Variants in DOCK5 observed in about 807,000 individuals in gnomAD.
DOCK5 encodes dedicator of cytokinesis 5.
A neutral mutation model predicts 251.8 loss-of-function variants in DOCK5; 142 were observed. The ratio of observed to expected loss-of-function variants is 0.56; its 90% CI spans 0.49 to 0.65. The LOEUF (loss-of-function observed/expected upper bound fraction) is 0.65, where lower values mean the gene tolerates loss of function less well. Ranked by LOEUF, DOCK5 falls within the 30% of genes least tolerant of loss-of-function variation. DOCK5 has a pLI of 0.00. For synonymous variants in DOCK5, 842 were observed against 835.5 expected, an observed-to-expected ratio of 1.01 and a Z score of -0.13; for missense variants, 2,111 against 2,312.3, an observed-to-expected ratio of 0.91 and a Z score of 1.79.
At chr8:25,208,269 A>G (rs1173523751) in intron 1 of DOCK5, among the ~76,000 whole-genome samples, 1 of 152,240 alleles carries the variant, frequency 6.6e-6, no homozygotes, top group East Asian at 1.9e-4. Flanking sequence ...AGGATTTAGA[A>G]TAATCCATAA....
intron 40 of DOCK5, among the ~76,000 whole-genome samples, chr8:25,385,234 T>C (rs1239525547): frequency 6.6e-6 from 1 of 152,086 alleles, no homozygotes; most frequent in Non-Finnish European, 1.5e-5. Flanking sequence ...ACTTTTCGTG[T>C]TGGAAAGGTC....
At position 25,351,832 on chromosome 8, in the gene DOCK5, T is replaced by C. The variant is rs1171085528; in HGVS notation, c.2850+6T>C. 2 of 1,612,458 alleles carry C rather than the reference T, an allele frequency of 1.2e-6. No individual in the cohort carries two copies. Among genetic ancestry groups the C allele is most frequent in the Non-Finnish European group, 1.7e-6 (2 of 1,178,896 alleles). ...ACCGGCAGTCTCCCCACATCGTGAG[T>C]ATCTCTTTGTTGGATCCCACGGCCG... On this transcript the variant is annotated splice_donor_region_variant and intron_variant, in intron 27 of 51. Transcript: ENST00000276440.
At chr8:25,228,174 G>C (rs1035387478) in intron 1 of DOCK5, among the ~76,000 whole-genome samples, 5 of 152,152 alleles carry the variant, frequency 3.3e-5, no homozygotes, top group African/African-American at 1.2e-4. Flanking sequence ...ACCATGCCTG[G>C]CCATTTTCTG....
chr8:25,374,599 G>C lies in DOCK5; in HGVS notation c.3761G>C (p.Cys1254Ser). 1 of 1,612,658 alleles carries C rather than the reference G, an allele frequency of 6.2e-7. No homozygotes were observed. The highest frequency in any genetic ancestry group is 8.5e-7 in the Non-Finnish European group (1 of 1,179,614). Reference protein sequence around the residue: ...LYKLRDLHRDCENYTEAAYTL... With the variant: ...LYKLRDLHRDSENYTEAAYTL... ...AAGCTTCGAGATTTGCACCGAGACTGTGAGAACTACACAGAAGCTGCCTAC... is the reference window on the plus strand; with the variant it reads ...AAGCTTCGAGATTTGCACCGAGACTCTGAGAACTACACAGAAGCTGCCTAC... Residue 1254 changes from cysteine (C) to serine (S), a missense_variant, in exon 37 of 52, where the codon TGT becomes TCT. Coordinates refer to ENST00000276440, the MANE Select transcript of DOCK5 (RefSeq NM_024940.8).
chr8:25,363,156 G>A lies in DOCK5; in HGVS notation c.3044+15G>A, dbSNP rs140064559. ...ACTCAAAACAGGTGAGACAGCCCAT[G>A]GCTGGCCCTGAGGCATTTGTCTGAA... On this transcript the variant is annotated intron_variant, in intron 29 of 51. Transcript: ENST00000276440. The A allele has an allele frequency of 1.5e-4, 248 of 1,610,100 alleles. 1 individual carries two copies. The East Asian group carries it at 5.5e-3, about 36-fold the overall frequency.
chr8:25,240,230 G>C (rs1355933270), intron 1 of DOCK5, among the ~76,000 whole-genome samples: 2 of 150,644 alleles, frequency 1.3e-5, no homozygotes, highest in Non-Finnish European at 2.9e-5. Flanking sequence ...TTCCTGGAAA[G>C]ATGTAGTTCC....
chr8:25,306,413 T>C (rs1804926472), intron 11 of DOCK5, among the ~76,000 whole-genome samples: 1 of 152,186 alleles, frequency 6.6e-6, no homozygotes, highest in Non-Finnish European at 1.5e-5. Flanking sequence ...TTAATAAACA[T>C]GTTGAATTTA....
intron 5 of DOCK5, among the ~76,000 whole-genome samples, chr8:25,288,617 A>G (rs921422717): frequency 4.6e-5 from 7 of 152,238 alleles, no homozygotes; most frequent in African/African-American, 1.4e-4. Context: ...ATGAGAAGCA[A>G]TATCTTAACA....
chr8:25,232,382 C>T (rs1453006107), intron 1 of DOCK5, among the ~76,000 whole-genome samples: 1 of 152,204 alleles, frequency 6.6e-6, no homozygotes, highest in Non-Finnish European at 1.5e-5. Context: ...CCAACACAGC[C>T]TTTATTCTGG....
chr8:25,296,700 T>A, intron 7 of DOCK5, 52 bp downstream of exon 7: 1 of 1,593,410 alleles, frequency 6.3e-7, no homozygotes, highest in Non-Finnish European at 8.6e-7. Context: ...ATTTTTGCCT[T>A]GGTTTTTAAT....
At position 25,341,739 on chromosome 8, in the gene DOCK5, G is replaced by T; in HGVS notation, c.2440G>T (p.Gly814Trp). The change falls in exon 24 of 52, where the codon GGG (glycine) becomes TGG (tryptophan). Residue 814 changes from glycine to tryptophan, a missense_variant and splice_region_variant. This residue lies in a region of DOCK5 where 1,717 missense variants were observed against 1,892.4 expected (regional missense o/e 0.91). Transcript: ENST00000276440. ...RPLEEAVKIK[G>W]AALKYLPSII... ...TTTGCCTTTGGTGTTTTTCTTACAG[G>T]GGGCAGCTTTGAAGTACCTTCCTAG... is the stretch of plus-strand genomic sequence containing the variant. The T allele has an allele frequency of 6.3e-7, 1 of 1,575,050 alleles. No homozygotes were observed.
At chr8:25,288,157 A>G (rs1804390676) in intron 5 of DOCK5, among the ~76,000 whole-genome samples, 2 of 152,094 alleles carry the variant, frequency 1.3e-5, no homozygotes, top group Admixed American at 1.3e-4. Context: ...AAGTGCTGGG[A>G]TTACAGGCGT....
chr8:25,391,014 G>T (rs534377745), intron 42 of DOCK5, among the ~76,000 whole-genome samples: 71 of 151,918 alleles, frequency 4.7e-4, no homozygotes, highest in African/African-American at 1.5e-3. Flanking sequence ...TCACCGTGTT[G>T]CCCAGGCTGG....
Position 25,342,387 on chromosome 8 carries a change from G to A in DOCK5, c.2511-14G>A. 1.9e-6 allele frequency: 3 copies of A among 1,568,370 alleles called. No homozygotes were observed. Among genetic ancestry groups the A allele is most frequent in the South Asian group, 2.3e-5 (2 of 85,742 alleles). On this transcript the variant is annotated splice_polypyrimidine_tract_variant and intron_variant, in intron 24 of 51. Coordinates refer to ENST00000276440, the MANE Select transcript of DOCK5 (RefSeq NM_024940.8). ...AGAACGAAGACACTACTAACCCTGA[G>A]GTTTCTCTCCCAGCGTGCTCTTCTG...
intron 2 of DOCK5, among the ~76,000 whole-genome samples, chr8:25,262,252 T>A (rs551708908): frequency 6.4e-4 from 98 of 152,054 alleles, no homozygotes; most frequent in Non-Finnish European, 1.2e-3. Flanking sequence ...TTGCAGTGGG[T>A]GGATAGTATT....
At position 25,382,619 on chromosome 8, in the gene DOCK5, T is replaced by C. The variant is rs542037716; in HGVS notation, c.4027-55T>C. On this transcript the variant is annotated intron_variant, in intron 39 of 51. Coordinates refer to ENST00000276440, the MANE Select transcript of DOCK5 (RefSeq NM_024940.8). ...ACAAAACAAAGTCTGACTTTTTTTT[T>C]CCCCCAACTGTGTACTTATAACCTC... 9.0e-5 allele frequency: 125 copies of C among 1,385,396 alleles called. No homozygotes were observed. In the Middle Eastern group the frequency reaches 1.1e-3, roughly 12 times the overall value. 85.8% of individuals were successfully genotyped at this position (1,385,396 alleles called of 1,614,324 possible).
intron 1 of DOCK5, among the ~76,000 whole-genome samples, chr8:25,242,392 C>G (rs1802977234): frequency 6.6e-6 from 1 of 152,132 alleles, no homozygotes; most frequent in Non-Finnish European, 1.5e-5. Flanking sequence ...AGAAGTTCCC[C>G]AACTGTTTTC....
Position 25,299,078 on chromosome 8 carries a change from C to T in DOCK5, c.741C>T (p.Asp247=), listed in dbSNP as rs750015169. ...CAGAGTTGTTTATGGCCCTCTACGA[C>T]CCAGACCAGTCCACTTTTATCAGGT... is the stretch of plus-strand genomic sequence containing the variant. ...EDAELFMALY[D]PDQSTFISEN... Residue 247 remains aspartate (D), a synonymous_variant, in exon 8 of 52, where the codon GAC becomes GAT. Coordinates refer to ENST00000276440, the MANE Select transcript of DOCK5 (RefSeq NM_024940.8). 4.3e-6 allele frequency: 7 copies of T among 1,613,582 alleles called. No individual in the cohort carries two copies. Among genetic ancestry groups the T allele is most frequent in the Non-Finnish European group, 5.9e-6 (7 of 1,179,812 alleles).
At chr8:25,202,270 G>A (rs577313528) in intron 1 of DOCK5, among the ~76,000 whole-genome samples, 8 of 152,140 alleles carry the variant, frequency 5.3e-5, no homozygotes, top group Middle Eastern at 3.4e-3. Flanking sequence ...CACCTGCCTC[G>A]GCCTCCCAAA....
Sources: allele counts gnomAD v4.1 joint callset (sites outside exome capture counted in the v4.1 genomes callset), GRCh38; gene constraint gnomAD v4.1.1; regional missense constraint gnomAD v4.1.1; transcripts MANE v1.5; gene names NCBI Gene and HGNC (gene_info 2026-07-23, HGNC 2026-07-21).